MTAP: variants seen among roughly 807,000 people sequenced by gnomAD.
The protein encoded by MTAP is S-methyl-5'-thioadenosine phosphorylase.
A neutral mutation model predicts 33.6 loss-of-function variants in MTAP; 33 were observed. The ratio of observed to expected loss-of-function variants is 0.98; its 90% confidence interval spans 0.74 to 1.31. The LOEUF is 1.31. MTAP is among the 40% of genes most tolerant of loss of function. The pLI, the probability that MTAP is intolerant of heterozygous loss-of-function variation, is 0.00. For synonymous variants in MTAP, 148 were observed against 125.7 expected, an observed-to-expected ratio of 1.18 and a Z score of -1.19; for missense variants, 367 against 360.0, an observed-to-expected ratio of 1.02 and a Z score of -0.16.
At chr9:21,875,862 A>C (rs1268954720) in intron 1 of MTAP, among the ~76,000 whole-genome samples, 1 of 151,904 alleles carries the variant, frequency 6.6e-6, no homozygotes, top group Non-Finnish European at 1.5e-5. Flanking sequence ...TTTATGGTAG[A>C]TTGATGTATG....
rs780949875 is a variant in MTAP, at chr9:21,931,091, C to T, written c.231C>T (p.Asp77=). ...CACCCTTCTACAGAGGACTCCTAGA[C>T]TTCCCATCAGTGGGACATGGCAGAG... is the stretch of plus-strand genomic sequence containing the variant. Residue 77 remains aspartate (D), a synonymous_variant, in exon 2 of 2, where the codon GAC becomes GAT. Coordinates refer to the MTAP transcript ENST00000577563. 89 of 764,116 alleles carry T rather than the reference C, an allele frequency of 1.2e-4. No homozygotes were observed. The East Asian group carries it at 2.1e-3, about 18-fold the overall frequency. The allele number at this position is 764,116 out of a possible 1,614,324, so 47.3% of individuals were successfully genotyped here. A position where few individuals can be genotyped will look rare whatever the true frequency, so the allele number is the denominator to read the frequency against.
intron 4 of MTAP, among the ~76,000 whole-genome samples, chr9:21,831,646 G>T (rs1409296185): frequency 6.6e-6 from 1 of 152,288 alleles, no homozygotes; most frequent in South Asian, 2.1e-4. Context: ...TTTAGAAAAG[G>T]ATCAGATGAG....
At chr9:21,899,344 G>A (rs1818350216) in intron 1 of MTAP, among the ~76,000 whole-genome samples, 1 of 151,246 alleles carries the variant, frequency 6.6e-6, no homozygotes, top group Non-Finnish European at 1.5e-5. Flanking sequence ...TAACAAACTT[G>A]CACGTTGTGC....
At chr9:21,848,342 C>G (rs577239449) in intron 5 of MTAP, among the ~76,000 whole-genome samples, 4 of 152,148 alleles carry the variant, frequency 2.6e-5, no homozygotes, top group African/African-American at 4.8e-5. Context: ...AAACAGAAAT[C>G]TGGAGAACAG....
intron 1 of MTAP, chr9:21,929,856 G>A (rs1051626988): frequency 7.6e-6 from 2 of 264,704 alleles, no homozygotes; most frequent in African/African-American, 4.4e-5. Flanking sequence ...AGAAAAAGAT[G>A]GATTGGATGT....
At chr9:21,827,626 C>G (rs1215545367) in intron 4 of MTAP, among the ~76,000 whole-genome samples, 1 of 152,174 alleles carries the variant, frequency 6.6e-6, no homozygotes, top group African/African-American at 2.4e-5. Flanking sequence ...TGACCTGTTT[C>G]CCTCTAAGCC....
At chr9:21,845,167 G>A (rs569254287) in intron 5 of MTAP, among the ~76,000 whole-genome samples, 1 of 152,236 alleles carries the variant, frequency 6.6e-6, no homozygotes, top group African/African-American at 2.4e-5. Flanking sequence ...ACATAATACA[G>A]GATGTCCTAG....
At chr9:21,937,359 A>G (rs944954577) in exon 8 of MTAP, 1 of 152,148 alleles carries the variant, frequency 6.6e-6, no homozygotes, top group African/African-American at 2.4e-5. Flanking sequence ...GAGTCTTAAT[A>G]TCAAAAGTAA....
At chr9:21,849,007 A>T (rs1021030970) in intron 5 of MTAP, among the ~76,000 whole-genome samples, 2 of 152,312 alleles carry the variant, frequency 1.3e-5, no homozygotes, top group South Asian at 4.1e-4. Context: ...AGTAAAATTC[A>T]TAGGAGGCCT....
intron 1 of MTAP, among the ~76,000 whole-genome samples, chr9:21,913,282 A>C (rs1410223052): frequency 1.3e-5 from 2 of 152,234 alleles, no homozygotes; most frequent in Non-Finnish European, 1.5e-5. Flanking sequence ...AAATTACTTT[A>C]AAGTTCATAT....
chr9:21,810,607 G>C (rs1187351154), intron 1 of MTAP, among the ~76,000 whole-genome samples: 1 of 152,054 alleles, frequency 6.6e-6, no homozygotes, highest in Admixed American at 6.6e-5. Flanking sequence ...CTATATTTGG[G>C]GACCAAGCCT....
intron 5 of MTAP, among the ~76,000 whole-genome samples, chr9:21,851,126 C>G (rs1825500598): frequency 6.6e-6 from 1 of 152,170 alleles, no homozygotes; most frequent in African/African-American, 2.4e-5. Flanking sequence ...ACTACAACAG[C>G]CCAATCCAGG....
exon 8 of MTAP, chr9:21,936,505 A>G (rs1819043322): frequency 6.6e-6 from 1 of 152,240 alleles, no homozygotes; most frequent in African/African-American, 2.4e-5. Context: ...TATTTAGATC[A>G]TTTCCAAATA....
At chr9:21,822,831 A>G (rs139209317) in intron 4 of MTAP, among the ~76,000 whole-genome samples, 124 of 152,304 alleles carry the variant, frequency 8.1e-4, no homozygotes, top group African/African-American at 2.8e-3. Context: ...GTGCATATAG[A>G]TTTAGGATAG....
At chr9:21,848,338 A>G (rs1444545888) in intron 5 of MTAP, among the ~76,000 whole-genome samples, 1 of 152,132 alleles carries the variant, frequency 6.6e-6, no homozygotes, top group Non-Finnish European at 1.5e-5. Flanking sequence ...ATATAAACAG[A>G]AATCTGGAGA....
chr9:21,864,439 C>T lies in MTAP; in HGVS notation c.*2425C>T. 1.0e-6 allele frequency: 1 copy of T among 985,314 alleles called. No individual in the cohort carries two copies. 61.0% of individuals were successfully genotyped at this position (985,314 alleles called of 1,614,324 possible). On this transcript the variant is annotated 3_prime_UTR_variant, in exon 8 of 8. Coordinates refer to ENST00000644715, the MANE Select transcript of MTAP (RefSeq NM_002451.4). ...GTTTCCGCAAAGGATGGATGGTGAGCATCATGGGAAAGCTGTAGTTTAGTG... is the reference window on the plus strand; with the variant it reads ...GTTTCCGCAAAGGATGGATGGTGAGTATCATGGGAAAGCTGTAGTTTAGTG...
chr9:21,820,395 A>G (rs557954300), intron 4 of MTAP, among the ~76,000 whole-genome samples: 3 of 152,356 alleles, frequency 2.0e-5, no homozygotes, highest in East Asian at 3.9e-4. Context: ...TTTATGAAAT[A>G]GGGAATCCTT....
At chr9:21,811,645 C>T in intron 1 of MTAP, 1 of 520,934 alleles carries the variant, frequency 1.9e-6, no homozygotes, top group Non-Finnish European at 3.9e-6. Flanking sequence ...CCTTGGCTCA[C>T]TCAAACTCTT....
chr9:21,931,346 A>G (rs1022406682), downstream of MTAP: 3 of 561,316 alleles, frequency 5.3e-6, no homozygotes, highest in East Asian at 2.9e-5. Flanking sequence ...TTAGGCAGAC[A>G]TGAGTAAGGG....
Sources: allele counts gnomAD v4.1 joint callset (sites outside exome capture counted in the v4.1 genomes callset), GRCh38; gene constraint gnomAD v4.1.1; transcripts MANE v1.5; gene names NCBI Gene and HGNC (gene_info 2026-07-23, HGNC 2026-07-21).